Variants in KIF15 observed in about 807,000 individuals in gnomAD.
The protein encoded by KIF15 is kinesin family member 15, also known as kinesin-like protein KIF15.
A neutral mutation model predicts 190.6 loss-of-function variants in KIF15; 140 were observed. The observed-to-expected ratio is 0.73, with a 90% confidence interval of 0.64 to 0.84. The LOEUF (loss-of-function observed/expected upper bound fraction) is 0.84. Ranked by LOEUF, KIF15 falls within the 40% of genes least tolerant of loss-of-function variation. The pLI, the probability that KIF15 is intolerant of heterozygous loss-of-function variation, is 0.00. For missense variants in KIF15, 1,372 were observed against 1,584.4 expected, an observed-to-expected ratio of 0.87 and a Z score of 2.28; for synonymous variants, 528 against 551.3, an observed-to-expected ratio of 0.96 and a Z score of 0.59.
In KIF15 at chr3:44,852,843, A is replaced by G; in HGVS notation, c.*108A>G. The G allele has an allele frequency of 1.2e-6, 1 of 818,364 alleles. No individual in the cohort carries two copies. Among genetic ancestry groups the G allele is most frequent in the Non-Finnish European group, 1.9e-6 (1 of 522,828 alleles). The allele number at this position is 818,364 out of a possible 1,614,324, so 50.7% of individuals were successfully genotyped here. ...AGGAGAGCTGAATTTATGGACCTTA[A>G]TTATTAAATGTTTATAAGGTGGTGG... On this transcript the variant is annotated 3_prime_UTR_variant, in exon 35 of 35. Transcript: ENST00000326047.
intron 28 of KIF15, 97 bp downstream of exon 28, chr3:44,840,553 GAA>G: frequency 2.9e-6 from 2 of 700,516 alleles, no homozygotes; most frequent in Non-Finnish European, 2.3e-6. Context: ...TCTTTTTAAA[GAA>G]AAAGATTTTC....
chr3:44,862,299 C>A, intron 6 of KIF15: 1 of 216,020 alleles, frequency 4.6e-6, no homozygotes, highest in Non-Finnish European at 8.0e-6. Context: ...GCGCTGCGGT[C>A]AGCTGGGGTG....
At chr3:44,804,607 C>G (rs950745983) in intron 14 of KIF15, among the ~76,000 whole-genome samples, 3 of 152,330 alleles carry the variant, frequency 2.0e-5, no homozygotes, top group East Asian at 1.9e-4. Context: ...AACTACACTT[C>G]TCCATCCTGT....
intron 7 of KIF15, among the ~76,000 whole-genome samples, chr3:44,792,885 G>A (rs1432816772): frequency 1.3e-5 from 2 of 152,088 alleles, no homozygotes; most frequent in African/African-American, 4.8e-5. Context: ...CAAGCACTGT[G>A]CTAACTTCTT....
downstream of KIF15, among the ~76,000 whole-genome samples, chr3:44,857,517 A>G (rs969471126): frequency 6.6e-6 from 1 of 152,196 alleles, no homozygotes; most frequent in Non-Finnish European, 1.5e-5. Context: ...GCTGTGTGTA[A>G]TGAAAAGGGT....
chr3:44,816,831 G>T (rs1040166744), intron 20 of KIF15, among the ~76,000 whole-genome samples: 10 of 152,134 alleles, frequency 6.6e-5, no homozygotes, highest in Non-Finnish European at 1.3e-4. Flanking sequence ...TTCCACAATG[G>T]TTTAACTAAT....
intron 1 of KIF15, among the ~76,000 whole-genome samples, chr3:44,772,915 A>G (rs72874097): frequency 0.011 from 1,660 of 152,280 alleles, 28 homozygotes; most frequent in African/African-American, 0.037. Context: ...GTTTGCCATT[A>G]ACCAGTTTGC....
intron 25 of KIF15, 103 bp from the exon 26 acceptor site, chr3:44,830,793 G>A: frequency 9.2e-7 from 1 of 1,090,872 alleles, no homozygotes; most frequent in Non-Finnish European, 1.3e-6. Flanking sequence ...GAATTATCTT[G>A]TGTTAATCTT....
chr3:44,837,636 A>G (rs1698391512), intron 26 of KIF15, among the ~76,000 whole-genome samples: 1 of 152,166 alleles, frequency 6.6e-6, no homozygotes, highest in Non-Finnish European at 1.5e-5. Context: ...ATACATGCAC[A>G]CACATACCTA....
intron 26 of KIF15, among the ~76,000 whole-genome samples, chr3:44,836,357 A>AAAAT (rs1369156455): frequency 6.6e-6 from 1 of 152,156 alleles, no homozygotes. Context: ...TCTGTCTAAA[A>AAAAT]AAATAAATAA....
At chr3:44,769,409 C>T (rs918274245) in intron 1 of KIF15, among the ~76,000 whole-genome samples, 1 of 152,130 alleles carries the variant, frequency 6.6e-6, no homozygotes, top group African/African-American at 2.4e-5. Flanking sequence ...CTTATATCCC[C>T]AAGACCTGGG....
intron 7 of KIF15, among the ~76,000 whole-genome samples, chr3:44,789,804 A>G (rs968648906): frequency 3.3e-4 from 50 of 151,668 alleles, no homozygotes; most frequent in African/African-American, 1.1e-3. Flanking sequence ...ATTTTACTAC[A>G]GGCTAATTGA....
intron 32 of KIF15, among the ~76,000 whole-genome samples, chr3:44,850,624 C>T (rs1699028267): frequency 6.6e-6 from 1 of 152,150 alleles, no homozygotes; most frequent in African/African-American, 2.4e-5. Flanking sequence ...CGTTACGTTA[C>T]CCATATATTT....
At chr3:44,807,697 T>G (rs1268118388) in intron 16 of KIF15, among the ~76,000 whole-genome samples, 4 of 145,350 alleles carry the variant, frequency 2.8e-5, no homozygotes, top group African/African-American at 2.7e-5. Context: ...AGCTTGAGGG[T>G]GTGTGTGTGT....
chr3:44,776,252 T>TTC (rs1553643925), intron 3 of KIF15, among the ~76,000 whole-genome samples: 34 of 150,918 alleles, frequency 2.3e-4, no homozygotes, highest in African/African-American at 8.1e-4. Context: ...TTTTTTTTTT[T>TTC]CCCCCCACTA....
intron 7 of KIF15, among the ~76,000 whole-genome samples, chr3:44,793,490 A>G (rs540369829): frequency 1.8e-4 from 28 of 152,318 alleles, no homozygotes; most frequent in Non-Finnish European, 3.2e-4. Flanking sequence ...TCTAGATCCT[A>G]TGCGCTCTGA....
chr3:44,821,950 C>G (rs1441158688), intron 20 of KIF15, among the ~76,000 whole-genome samples: 2 of 152,218 alleles, frequency 1.3e-5, no homozygotes. Context: ...AGCGAAACCC[C>G]GTCTCCACCA....
intron 30 of KIF15, among the ~76,000 whole-genome samples, chr3:44,847,366 G>C (rs1182277541): frequency 6.6e-6 from 1 of 152,132 alleles, no homozygotes; most frequent in Non-Finnish European, 1.5e-5. Flanking sequence ...ACCTGGTCAG[G>C]CTCACAGAGA....
chr3:44,798,325 G>C (rs1239796917), intron 10 of KIF15, among the ~76,000 whole-genome samples: 2 of 150,348 alleles, frequency 1.3e-5, no homozygotes, highest in African/African-American at 4.9e-5. Flanking sequence ...ACCATGCCAG[G>C]CTAATTTTTT....
Sources: allele counts gnomAD v4.1 joint callset (sites outside exome capture counted in the v4.1 genomes callset), GRCh38; gene constraint gnomAD v4.1.1; transcripts MANE v1.5; gene names NCBI Gene and HGNC (gene_info 2026-07-23, HGNC 2026-07-21).